SDR16C5: variants seen among roughly 807,000 people sequenced by gnomAD.
SDR16C5 encodes the protein epidermal retinol dehydrogenase 2.
Under a neutral mutation model 27.7 loss-of-function variants are expected in SDR16C5, and 20 were observed. The ratio of observed to expected loss-of-function variants is 0.72; its 90% CI spans 0.51 to 1.05. The LOEUF (loss-of-function observed/expected upper bound fraction) is 1.05, where lower values mean the gene tolerates loss of function less well. Ranked by LOEUF, SDR16C5 falls within the 50% of genes least tolerant of loss-of-function variation. The pLI is 0.00. For missense variants in SDR16C5, 374 were observed against 366.3 expected (o/e 1.02, Z -0.17); for synonymous variants, 139 against 132.3 (o/e 1.05, Z -0.35).
At chr8:56,315,442 C>T (rs1360818240) in intron 2 of SDR16C5, among the ~76,000 whole-genome samples, 1 of 152,092 alleles carries the variant, frequency 6.6e-6, no homozygotes, top group Non-Finnish European at 1.5e-5. Flanking sequence ...TACTTAAGAG[C>T]AATACACATT....
chr8:56,311,981 T>C (rs541250764), intron 3 of SDR16C5, among the ~76,000 whole-genome samples, 176 bp downstream of exon 3: 86 of 152,308 alleles, frequency 5.6e-4, no homozygotes, highest in Admixed American at 5.5e-3. Flanking sequence ...GCAGAGGTCC[T>C]GGGGGCTGTA....
chr8:56,300,805 G>T lies in SDR16C5; in HGVS notation c.*675C>A, dbSNP rs144355772. On this transcript the variant is annotated 3_prime_UTR_variant, in exon 7 of 7. Coordinates refer to ENST00000303749, the MANE Select transcript of SDR16C5 (RefSeq NM_138969.4). The stretch of plus-strand genomic sequence containing the variant: ...AGGAAACAAAAGTGATTCTATTTAA[G>T]AGTTTGGTCTAGGATCACTGCCTAT... 5.9e-5 allele frequency: 9 copies of T among 152,222 alleles called. No homozygotes were observed. Among genetic ancestry groups the T allele is most frequent in the Non-Finnish European group, 1.2e-4 (8 of 68,036 alleles). The allele number at this position is 152,222 out of a possible 1,614,324, so 9.4% of individuals were successfully genotyped here.
intron 1 of SDR16C5, among the ~76,000 whole-genome samples, chr8:56,318,148 GGC>G (rs1815246602): frequency 6.6e-6 from 1 of 152,148 alleles, no homozygotes; most frequent in Admixed American, 6.5e-5. Context: ...TAGCTTTCCT[GGC>G]AGAGGGACAA....
In SDR16C5 at chr8:56,301,552, T is replaced by A; in HGVS notation, c.858A>T (p.Gly286=). 6.2e-7 allele frequency: 1 copy of A among 1,614,076 alleles called. No individual in the cohort carries two copies. The highest frequency in any genetic ancestry group is 8.5e-7 in the Non-Finnish European group (1 of 1,179,936). The change falls in exon 7 of 7, where the codon GGA becomes GGT. Residue 286 remains glycine (G), a synonymous_variant. Coordinates refer to ENST00000303749, the MANE Select transcript of SDR16C5 (RefSeq NM_138969.4). The part of the protein sequence containing the change: ...FLKSFLPLKT[G]LLIADYLGIL... ...TGCCCAAATAGTCAGCTATAAGCAGTCCTGTCTTGAGGGGCAAAAAGCTAA... is the reference window on the plus strand; with the variant it reads ...TGCCCAAATAGTCAGCTATAAGCAGACCTGTCTTGAGGGGCAAAAAGCTAA...
intron 3 of SDR16C5, among the ~76,000 whole-genome samples, chr8:56,310,542 A>G (rs925012518): frequency 2.0e-5 from 3 of 151,850 alleles, no homozygotes; most frequent in African/African-American, 7.3e-5. Context: ...ACATGGCAAA[A>G]CCCTGTCTCT....
chr8:56,302,724 T>C (rs908425500), intron 6 of SDR16C5, among the ~76,000 whole-genome samples: 4 of 151,724 alleles, frequency 2.6e-5, no homozygotes, highest in Non-Finnish European at 4.4e-5. Flanking sequence ...CTCATGCTTG[T>C]AATCCCAGTG....
intron 4 of SDR16C5, among the ~76,000 whole-genome samples, chr8:56,307,309 A>G (rs1468384145): frequency 6.6e-6 from 1 of 151,870 alleles, no homozygotes; most frequent in Admixed American, 6.6e-5. Flanking sequence ...AAAAAAAAAA[A>G]GGGCTTGGTA....
rs1245401613 is a variant in SDR16C5 at position 56,301,285 on chromosome 8, C to G, written c.*195G>C. On this transcript the variant is annotated 3_prime_UTR_variant, in exon 7 of 7. Transcript: ENST00000303749. ...GGAAAAAAAAAGAAAAAGAAAAAAC[C>G]AAAACTCAACCAAATAGGTGATAGC... 3 of 473,346 alleles carry G rather than the reference C, an allele frequency of 6.3e-6. No homozygotes were observed. Among genetic ancestry groups the G allele is most frequent in the South Asian group, 4.3e-5 (1 of 23,330 alleles). 29.3% of individuals were successfully genotyped at this position (473,346 alleles called of 1,614,324 possible).
chr8:56,303,879 C>T (rs1450794063), intron 6 of SDR16C5: 2 of 687,348 alleles, frequency 2.9e-6, no homozygotes, highest in Non-Finnish European at 5.3e-6. Context: ...CAGTGCATTA[C>T]ACGAATCTAC....
At chr8:56,309,543 A>G in intron 3 of SDR16C5, 2 of 985,170 alleles carry the variant, frequency 2.0e-6, no homozygotes, top group Non-Finnish European at 2.4e-6. Flanking sequence ...GAAAGAGGAC[A>G]CATCTGTATT....
chr8:56,308,818 T>C (rs938011165), intron 4 of SDR16C5, 110 bp downstream of exon 4: 2 of 703,896 alleles, frequency 2.8e-6, no homozygotes, highest in Admixed American at 2.9e-5. Flanking sequence ...TACTTTTTAG[T>C]TTATTATCCT....
chr8:56,312,711 T>A (rs1388694112), intron 2 of SDR16C5, among the ~76,000 whole-genome samples: 12 of 149,902 alleles, frequency 8.0e-5, no homozygotes, highest in South Asian at 6.4e-4. Flanking sequence ...TCTAAAAAAA[T>A]AAATAAAGAA....
Position 56,301,521 on chromosome 8 carries a change from G to T in SDR16C5, c.889C>A (p.His297Asn). The T allele has an allele frequency of 6.2e-7, 1 of 1,614,162 alleles. No individual in the cohort carries two copies. Among genetic ancestry groups the T allele is most frequent in the South Asian group, 1.1e-5 (1 of 91,082 alleles). Residue 297 changes from histidine to asparagine, a missense_variant, in exon 7 of 7, where the codon CAT becomes AAT. By Grantham distance (68) the His-to-Asn change is moderately conservative. Coordinates refer to ENST00000303749, the MANE Select transcript of SDR16C5 (RefSeq NM_138969.4). ...TGGTCAACAAAGCCATCCATTGCAT[G>T]AAGGATGCCCAAATAGTCAGCTATA... ...LLIADYLGIL[H>N]AMDGFVDQKK...
Position 56,306,774 on chromosome 8 carries a change from T to C in SDR16C5, c.612A>G (p.Val204=). Residue 204 remains valine (V), a synonymous_variant, in exon 5 of 7, where the codon GTA becomes GTG. Transcript: ENST00000303749. The part of the protein sequence containing the change: ...KFAAFGFAES[V]FVETFVQKQK... ...GTTTTTGGACAAATGTTTCTACAAA[T>C]ACAGATTCAGCAAACCCAAAGGCTG... 6.2e-7 allele frequency: 1 copy of C among 1,613,390 alleles called. No homozygotes were observed. The highest frequency in any genetic ancestry group is 8.5e-7 in the Non-Finnish European group (1 of 1,179,860).
Position 56,306,313 on chromosome 8 carries a change from T to C in SDR16C5, c.710+363A>G, listed in dbSNP as rs796526857. ...CCACCTAGTGTATGATACTTCATTA[T>C]AGCAGCTCCTTCTATATGACCAAGA... On this transcript the variant is annotated intron_variant, in intron 5 of 6. Coordinates refer to ENST00000303749, the MANE Select transcript of SDR16C5 (RefSeq NM_138969.4). 9.2e-5 allele frequency among the ~76,000 whole-genome samples: 14 copies of C among 152,208 alleles called. No homozygotes were observed. In the South Asian group the frequency reaches 1.2e-3, roughly 13 times the overall value.
In SDR16C5 at chr8:56,306,594, A is replaced by G. The variant is rs148176589; in HGVS notation, c.710+82T>C. The G allele has an allele frequency of 2.9e-3, 3,647 of 1,261,324 alleles. 13 individuals are homozygous for G. The highest frequency in any genetic ancestry group is 3.4e-3 in the Non-Finnish European group (3,073 of 917,158). 78.1% of individuals were successfully genotyped at this position (1,261,324 alleles called of 1,614,324 possible). On this transcript the variant is annotated intron_variant, in intron 5 of 6. Coordinates refer to ENST00000303749, the MANE Select transcript of SDR16C5 (RefSeq NM_138969.4). ...CTGAATCCCAGAACAATATATTTTA[A>G]ACAACTTAAAAAAAAGAACAAAATA...
intron 3 of SDR16C5, among the ~76,000 whole-genome samples, chr8:56,311,024 A>C (rs1815032114): frequency 6.6e-6 from 1 of 152,220 alleles, no homozygotes; most frequent in African/African-American, 2.4e-5. Context: ...CTGCTAAAGA[A>C]GACTTGGGTG....
chr8:56,306,023 A>G (rs557780483), intron 5 of SDR16C5, among the ~76,000 whole-genome samples: 2 of 152,360 alleles, frequency 1.3e-5, no homozygotes, highest in East Asian at 3.9e-4. Context: ...TTGAAAACAC[A>G]TTGCCTGTAG....
chr8:56,306,940 G>A (rs1161414304), intron 4 of SDR16C5, 120 bp from the exon 5 acceptor site: 3 of 867,936 alleles, frequency 3.5e-6, no homozygotes, highest in East Asian at 2.7e-5. Flanking sequence ...CTCCTTTTGT[G>A]TAATCTTGGT....
Sources: allele counts gnomAD v4.1 joint callset (sites outside exome capture counted in the v4.1 genomes callset), GRCh38; gene constraint gnomAD v4.1.1; transcripts MANE v1.5; gene names NCBI Gene and HGNC (gene_info 2026-07-23, HGNC 2026-07-21).